Variants in AUNIP observed in about 807,000 individuals in gnomAD.
AUNIP encodes the protein aurora kinase A and ninein interacting protein.
A neutral mutation model predicts 12.2 loss-of-function variants in AUNIP; 16 were observed. The observed-to-expected ratio is 1.31, with a 90% CI of 0.88 to 1.99. The LOEUF (loss-of-function observed/expected upper bound fraction) is 1.99. Among genes scored for constraint, AUNIP ranks in the 30% most tolerant of loss-of-function variants. The probability of loss-of-function intolerance (pLI) is 0.00; values close to 1 mark genes in which losing one functional copy is unlikely to be tolerated. For missense variants in AUNIP, 411 were observed against 419.1 expected (o/e 0.98, Z 0.17); for synonymous variants, 142 against 154.8 (o/e 0.92, Z 0.61).
intron 1 of AUNIP, among the ~76,000 whole-genome samples, chr1:25,839,922 T>G (rs2048338016): frequency 6.6e-6 from 1 of 152,206 alleles, no homozygotes; most frequent in Non-Finnish European, 1.5e-5. Flanking sequence ...CCACCTGGCC[T>G]CCCGAAGTGT....
downstream of AUNIP, chr1:25,833,920 CAG>C (rs903217334): frequency 8.7e-6 from 6 of 688,460 alleles, no homozygotes; most frequent in African/African-American, 1.2e-4. Flanking sequence ...AGATCAGGCT[CAG>C]GGCAATGACA....
In AUNIP at chr1:25,847,270, G is replaced by GC. The variant is rs2048389966; in HGVS notation, c.79-9717_79-9716insG. On this transcript the variant is annotated intron_variant, in intron 1 of 2. Coordinates refer to ENST00000374298, the MANE Select transcript of AUNIP (RefSeq NM_024037.3). This position sits in a 1 kb window ranked among gnomAD's most constrained non-coding sequence, Gnocchi z 4.2. The stretch of plus-strand genomic sequence containing the variant: ...AAAACAGTTGTGTTTTTTTTGTTTT[G>GC]TTTTTTTTTGAGACGGAGTCTCACT... 4.0e-5 allele frequency among the ~76,000 whole-genome samples: 6 copies of GC among 150,356 alleles called. No individual in the cohort carries two copies. The South Asian group carries it at 1.3e-3, about 32-fold the overall frequency.
intron 1 of AUNIP, among the ~76,000 whole-genome samples, chr1:25,838,560 C>G (rs13375874): frequency 0.026 from 3,969 of 151,852 alleles, 172 homozygotes; most frequent in African/African-American, 0.09. Context: ...AAGGCTTACA[C>G]AGTTCCCGGC....
At position 25,835,529 on chromosome 1, in the gene AUNIP, C is replaced by G; in HGVS notation, c.538G>C (p.Glu180Gln). The G allele has an allele frequency of 6.2e-7, 1 of 1,614,218 alleles. No homozygotes were observed. Among genetic ancestry groups the G allele is most frequent in the Non-Finnish European group, 8.5e-7 (1 of 1,180,044 alleles). ...TTTCGGTCTAGCAAACAAGAACTTT[C>G]CAAGTCCTCGGTGAAGGAAAAAGCC... ...PLAFSFTEDL[E>Q]SSCLLDRKEE... Residue 180 changes from glutamate (E) to glutamine (Q), a missense_variant, in exon 3 of 3, where the codon GAA (glutamate) becomes CAA (glutamine). Glu to Gln is a conservative substitution (Grantham distance 29). Coordinates refer to ENST00000374298, the MANE Select transcript of AUNIP (RefSeq NM_024037.3).
downstream of AUNIP, chr1:25,832,053 T>C: frequency 6.2e-7 from 1 of 1,614,032 alleles, no homozygotes; most frequent in Non-Finnish European, 8.5e-7. Flanking sequence ...AAACTCAGTC[T>C]CATGCTCCTG....
downstream of AUNIP, chr1:25,832,764 A>G (rs2048263963): frequency 6.3e-6 from 1 of 157,482 alleles, no homozygotes; most frequent in Non-Finnish European, 1.4e-5. Context: ...AGGGGGAAAG[A>G]GCAAACCATC....
rs556558332 is a variant in AUNIP at position 25,838,441 on chromosome 1, T to G, written c.79-887A>C. ...TCGCTTTAACCAGGGAGGCGGAGGT[T>G]GCAATGAGCCGAGATTGTGCCACTG... On this transcript the variant is annotated intron_variant, in intron 1 of 2. Transcript: ENST00000374298. 9.1e-4 allele frequency among the ~76,000 whole-genome samples: 138 copies of G among 151,516 alleles called. No homozygotes were observed. In the South Asian group the frequency reaches 0.012, roughly 13 times the overall value.
In AUNIP at chr1:25,859,400, C is replaced by G. The variant is rs753227435; in HGVS notation, c.-43G>C. On this transcript the variant is annotated 5_prime_UTR_variant, in exon 1 of 3. Transcript: ENST00000374298. ...AGCCGGCAGGACGCCGGCGCAGGCT[C>G]CCGGCGCCTCAGGGAACGCCAGAAC... is the stretch of plus-strand genomic sequence containing the variant. The G allele has an allele frequency of 1.4e-6, 2 of 1,467,270 alleles. No homozygotes were observed. The highest frequency in any genetic ancestry group is 2.8e-5 in the Admixed American group (1 of 35,976). The allele number at this position is 1,467,270 out of a possible 1,614,324, so 90.9% of individuals were successfully genotyped here. A position where few individuals can be genotyped will look rare whatever the true frequency, so the allele number is the denominator to read the frequency against.
chr1:25,859,068 G>A (rs1264487682), intron 1 of AUNIP, among the ~76,000 whole-genome samples: 3 of 151,660 alleles, frequency 2.0e-5, no homozygotes, highest in African/African-American at 7.3e-5. Context: ...CCAACAGCAC[G>A]CTCTTTCCTT....
intron 1 of AUNIP, among the ~76,000 whole-genome samples, chr1:25,848,212 G>A (rs2048397830): frequency 6.6e-6 from 1 of 152,076 alleles, no homozygotes; most frequent in African/African-American, 2.4e-5. Context: ...CCAGGGAATA[G>A]TCTACACTTT....
At chr1:25,844,922 G>T (rs1410913761) in intron 1 of AUNIP, among the ~76,000 whole-genome samples, 1 of 152,166 alleles carries the variant, frequency 6.6e-6, no homozygotes, top group East Asian at 1.9e-4. Context: ...GCCTCACTGA[G>T]TCAGGTTGAA....
rs970777674 is a variant in AUNIP at position 25,847,891 on chromosome 1, G to T, written c.79-10337C>A. ...GCCCGGGAGGCAGAGGTTGCAGTGAGCCAAGATCACGCCACCGCACTCTAG... is the reference window on the plus strand; with the variant it reads ...GCCCGGGAGGCAGAGGTTGCAGTGATCCAAGATCACGCCACCGCACTCTAG... On this transcript the variant is annotated intron_variant, in intron 1 of 2. Coordinates refer to ENST00000374298, the MANE Select transcript of AUNIP (RefSeq NM_024037.3). This position sits in a 1 kb window ranked among gnomAD's most constrained non-coding sequence, Gnocchi z 4.2. 2.6e-5 allele frequency among the ~76,000 whole-genome samples: 4 copies of T among 152,160 alleles called. No homozygotes were observed. The highest frequency in any genetic ancestry group is 9.7e-5 in the African/African-American group (4 of 41,430).
At chr1:25,843,185 A>AAAATATATATAT (rs1553123796) in intron 1 of AUNIP, among the ~76,000 whole-genome samples, 14 of 124,954 alleles carry the variant, frequency 1.1e-4, no homozygotes, top group South Asian at 2.7e-4. Flanking sequence ...AAAAAAAAAA[A>AAAATATATATAT]ATATATATAT....
At chr1:25,843,974 C>A (rs2048364302) in intron 1 of AUNIP, among the ~76,000 whole-genome samples, 1 of 152,110 alleles carries the variant, frequency 6.6e-6, no homozygotes, top group Admixed American at 6.5e-5. Flanking sequence ...ATTGAGAAAG[C>A]AAAGGCAGGG....
Position 25,859,419 on chromosome 1 carries a change from C to A in AUNIP, c.-62G>T, listed in dbSNP as rs1377378547. Reference sequence around the variant, plus strand: ...CAGGCTCCCGGCGCCTCAGGGAACGCCAGAACCGCGGCCGCCGACGTTCGG... The same window carrying A: ...CAGGCTCCCGGCGCCTCAGGGAACGACAGAACCGCGGCCGCCGACGTTCGG... On this transcript the variant is annotated 5_prime_UTR_variant, in exon 1 of 3. Transcript: ENST00000374298. 7.1e-7 allele frequency: 1 copy of A among 1,400,962 alleles called. No individual in the cohort carries two copies. Among genetic ancestry groups the A allele is most frequent in the Non-Finnish European group, 9.3e-7 (1 of 1,075,460 alleles). 86.8% of individuals were successfully genotyped at this position (1,400,962 alleles called of 1,614,324 possible). A position where few individuals can be genotyped will look rare whatever the true frequency, so the allele number is the denominator to read the frequency against.
chr1:25,835,462 T>C lies in AUNIP; in HGVS notation c.605A>G (p.His202Arg). ...GDSARKWEWLHESKKNYQSME... is the reference protein window; with the variant it reads ...GDSARKWEWLRESKKNYQSME... ...ACTCTGATAGTTCTTCTTAGACTCATGAAGCCATTCCCATTTCCTGGCAGA... is the reference window on the plus strand; with the variant it reads ...ACTCTGATAGTTCTTCTTAGACTCACGAAGCCATTCCCATTTCCTGGCAGA... Residue 202 changes from histidine (H) to arginine (R), a missense_variant, in exon 3 of 3, where the codon CAT (histidine) becomes CGT (arginine). Physicochemically the swap from His to Arg is conservative, Grantham distance 29. Transcript: ENST00000374298. 3.1e-6 allele frequency: 5 copies of C among 1,614,246 alleles called. No homozygotes were observed. Among genetic ancestry groups the C allele is most frequent in the Non-Finnish European group, 4.2e-6 (5 of 1,180,040 alleles).
chr1:25,850,211 AAACAACAAC>A (rs140025145), intron 1 of AUNIP, among the ~76,000 whole-genome samples: 1 of 151,678 alleles, frequency 6.6e-6, no homozygotes, highest in African/African-American at 2.4e-5. Context: ...CTGATTCTAA[AAACAACAAC>A]AACAACAACA....
At chr1:25,852,884 T>A (rs1483765949) in intron 1 of AUNIP, among the ~76,000 whole-genome samples, 1 of 152,236 alleles carries the variant, frequency 6.6e-6, no homozygotes, top group Non-Finnish European at 1.5e-5. Context: ...TTTGATTTCT[T>A]CTTTGACTCT....
At chr1:25,842,964 T>C (rs148565419) in intron 1 of AUNIP, among the ~76,000 whole-genome samples, 1,919 of 152,198 alleles carry the variant, frequency 0.013, 48 homozygotes, top group African/African-American at 0.044. Context: ...GCAGATTGCT[T>C]GAGCCTAGGA....
Sources: allele counts gnomAD v4.1 joint callset (sites outside exome capture counted in the v4.1 genomes callset), GRCh38; gene constraint gnomAD v4.1.1; non-coding constraint Gnocchi (gnomAD v3.1); transcripts MANE v1.5; gene names NCBI Gene and HGNC (gene_info 2026-07-23, HGNC 2026-07-21).